Variants in TESK2 observed in about 807,000 individuals in gnomAD.
TESK2 encodes the protein dual specificity testis-specific protein kinase 2.
A neutral mutation model predicts 57.1 loss-of-function variants in TESK2; 39 were observed. The observed-to-expected ratio is 0.68, with a 90% CI of 0.53 to 0.89. The LOEUF (loss-of-function observed/expected upper bound fraction) is 0.89, where lower values mean the gene tolerates loss of function less well. Ranked by LOEUF, TESK2 falls within the 40% of genes least tolerant of loss-of-function variation. The pLI, the probability that TESK2 is intolerant of heterozygous loss-of-function variation, is 0.00. For missense variants in TESK2, 646 were observed against 732.1 expected (o/e 0.88, Z 1.36); for synonymous variants, 249 against 267.9 (o/e 0.93, Z 0.69).
chr1:45,378,908 G>C (rs1370091882), intron 4 of TESK2, among the ~76,000 whole-genome samples: 1 of 152,132 alleles, frequency 6.6e-6, no homozygotes, highest in Non-Finnish European at 1.5e-5. Flanking sequence ...TGCAATCACT[G>C]TTAGTACCTC....
chr1:45,446,950 G>A (rs1651670824), intron 2 of TESK2, among the ~76,000 whole-genome samples: 1 of 152,216 alleles, frequency 6.6e-6, no homozygotes, highest in East Asian at 1.9e-4. Flanking sequence ...AGGTACAGTT[G>A]TTCACACCTA....
chr1:45,411,428 G>A (rs551658075), intron 3 of TESK2, among the ~76,000 whole-genome samples: 25 of 152,094 alleles, frequency 1.6e-4, no homozygotes, highest in Non-Finnish European at 3.1e-4. Flanking sequence ...AAGATCCCTC[G>A]CATGCACAGT....
At chr1:45,466,065 G>A (rs944622833) in intron 1 of TESK2, among the ~76,000 whole-genome samples, 6 of 151,940 alleles carry the variant, frequency 3.9e-5, no homozygotes, top group African/African-American at 1.5e-4. Flanking sequence ...TATACTAATC[G>A]GGCATGGTGC....
At chr1:45,357,638 G>C (rs1647492383) in intron 4 of TESK2, among the ~76,000 whole-genome samples, 1 of 151,494 alleles carries the variant, frequency 6.6e-6, no homozygotes, top group Non-Finnish European at 1.5e-5. Context: ...CTTGAGGTCA[G>C]GAGTTTGAGA....
At chr1:45,429,760 A>G (rs1300038854) in intron 2 of TESK2, among the ~76,000 whole-genome samples, 1 of 152,238 alleles carries the variant, frequency 6.6e-6, no homozygotes, top group Non-Finnish European at 1.5e-5. Context: ...ACCAGCTTCA[A>G]TCTTCAATTG....
chr1:45,404,548 A>ATT (rs113551170), intron 3 of TESK2, among the ~76,000 whole-genome samples: 3 of 145,352 alleles, frequency 2.1e-5, no homozygotes, highest in Admixed American at 6.9e-5. Flanking sequence ...TTATTTAATT[A>ATT]TTTTTTTTTT....
chr1:45,450,301 C>A (rs1651818810), intron 2 of TESK2, among the ~76,000 whole-genome samples: 1 of 152,298 alleles, frequency 6.6e-6, no homozygotes, highest in East Asian at 1.9e-4. Context: ...CACCTGAGGT[C>A]AGGAGTTCGA....
intron 5 of TESK2, 122 bp from the exon 6 acceptor site, chr1:45,348,122 G>A (rs572038119): frequency 5.8e-4 from 408 of 705,206 alleles, no homozygotes; most frequent in South Asian, 1.4e-3. Context: ...TTGGTGAACC[G>A]CACTCAAGCT....
At chr1:45,428,132 A>G (rs1288223280) in intron 2 of TESK2, among the ~76,000 whole-genome samples, 1 of 152,222 alleles carries the variant, frequency 6.6e-6, no homozygotes, top group Non-Finnish European at 1.5e-5. Flanking sequence ...CATTTGCTAC[A>G]TACTAGGTAC....
chr1:45,461,554 A>G (rs1255064513), intron 1 of TESK2, among the ~76,000 whole-genome samples: 1 of 152,182 alleles, frequency 6.6e-6, no homozygotes, highest in Non-Finnish European at 1.5e-5. Context: ...CCACTATGAG[A>G]GCTGTAGAAA....
At chr1:45,450,936 G>A (rs1009145975) in intron 2 of TESK2, among the ~76,000 whole-genome samples, 3 of 152,098 alleles carry the variant, frequency 2.0e-5, no homozygotes, top group Non-Finnish European at 4.4e-5. Flanking sequence ...CCAAAGTGCT[G>A]GGGTTACAGG....
intron 3 of TESK2, among the ~76,000 whole-genome samples, chr1:45,393,310 A>G (rs1294097241): frequency 6.6e-6 from 1 of 152,144 alleles, no homozygotes; most frequent in African/African-American, 2.4e-5. Flanking sequence ...TAACCATATC[A>G]CAATCGTGTC....
At chr1:45,372,360 C>T (rs570166257) in intron 4 of TESK2, among the ~76,000 whole-genome samples, 15 of 151,838 alleles carry the variant, frequency 9.9e-5, no homozygotes, top group African/African-American at 3.4e-4. Context: ...GGCAGATCAC[C>T]TGAGCTCAGG....
At chr1:45,468,283 T>G (rs1303648524) in intron 1 of TESK2, among the ~76,000 whole-genome samples, 1 of 152,036 alleles carries the variant, frequency 6.6e-6, no homozygotes, top group African/African-American at 2.4e-5. Flanking sequence ...AGATGAGTGG[T>G]AAGAAGTAGA....
Position 45,435,053 on chromosome 1 carries a change from T to C in TESK2, c.223-13207A>G, listed in dbSNP as rs1314532116. Among the ~76,000 whole-genome samples the C allele has an allele frequency of 2.6e-5, 4 of 151,382 alleles. No individual in the cohort carries two copies. In the East Asian group the frequency reaches 7.8e-4, roughly 30 times the overall value. The stretch of plus-strand genomic sequence containing the variant: ...ATCATAATTCACTGCAATCTTGAAC[T>C]CCTAGGCTCAAGAAATCCTCCCACT... On this transcript the variant is annotated intron_variant, in intron 2 of 10. Coordinates refer to ENST00000372086, the MANE Select transcript of TESK2 (RefSeq NM_007170.3).
intron 4 of TESK2, among the ~76,000 whole-genome samples, chr1:45,384,609 T>A (rs1016325064): frequency 4.6e-5 from 6 of 130,422 alleles, no homozygotes; most frequent in Admixed American, 1.5e-4. Context: ...TTTTTTTTTT[T>A]TTTTTTTTTT....
At chr1:45,426,240 G>A (rs1650684053) in intron 2 of TESK2, among the ~76,000 whole-genome samples, 1 of 152,040 alleles carries the variant, frequency 6.6e-6, no homozygotes, top group African/African-American at 2.4e-5. Context: ...ACATGGTATT[G>A]GCATAAAAAC....
In TESK2 at chr1:45,444,697, C is replaced by T. The variant is rs979670502; in HGVS notation, c.222+12867G>A. Among the ~76,000 whole-genome samples the T allele has an allele frequency of 8.5e-5, 13 of 152,140 alleles. No individual in the cohort carries two copies. The East Asian group carries it at 2.3e-3, about 27-fold the overall frequency. On this transcript the variant is annotated intron_variant, in intron 2 of 10. Transcript: ENST00000372086. ...AAATAACTCCCAGGGAAAATGAAACCGCTTTTGCAAAATTGTAACAGTAAG... is the reference window on the plus strand; with the variant it reads ...AAATAACTCCCAGGGAAAATGAAACTGCTTTTGCAAAATTGTAACAGTAAG...
chr1:45,394,026 G>C (rs1219617270), intron 3 of TESK2, among the ~76,000 whole-genome samples: 1 of 152,054 alleles, frequency 6.6e-6, no homozygotes, highest in Non-Finnish European at 1.5e-5. Flanking sequence ...ATACCAGCTA[G>C]AATTACTTAA....
Sources: gnomAD v4.1 joint callset for allele counts (sites outside exome capture counted in the v4.1 genomes callset) on GRCh38, gnomAD v4.1.1 for gene constraint, MANE v1.5 for transcripts, NCBI Gene and HGNC (gene_info 2026-07-23, HGNC 2026-07-21) for gene names.